The following FAM76A variants were observed in gnomAD, a reference collection of about 807,000 sequenced individuals.
FAM76A encodes protein FAM76A.
A neutral mutation model predicts 46.2 loss-of-function variants in FAM76A; 32 were observed. The observed-to-expected ratio is 0.69, with a 90% CI of 0.52 to 0.93. The LOEUF (loss-of-function observed/expected upper bound fraction) is 0.93. Among genes scored for constraint, FAM76A ranks in the 40% least tolerant of loss-of-function variants. The pLI, the probability that FAM76A is intolerant of heterozygous loss-of-function variation, is 0.00. For missense variants in FAM76A, 274 were observed against 361.5 expected, an observed-to-expected ratio of 0.76 and a Z score of 1.96; for synonymous variants, 137 against 127.0, an observed-to-expected ratio of 1.08 and a Z score of -0.53.
chr1:27,744,063 T>G (rs991337413), intron 4 of FAM76A, among the ~76,000 whole-genome samples: 3 of 152,182 alleles, frequency 2.0e-5, no homozygotes, highest in Non-Finnish European at 4.4e-5. Flanking sequence ...CGTCTGTGTT[T>G]GCTAACTTGA....
chr1:27,727,800 ATTTTTTTTTTT>A (rs10716346), intron 2 of FAM76A, among the ~76,000 whole-genome samples: 4 of 64,544 alleles, frequency 6.2e-5, no homozygotes, highest in South Asian at 6.4e-4. Context: ...GATTGCTTAA[ATTTTTTTTTTT>A]TTTTTTTTTT....
intron 4 of FAM76A, among the ~76,000 whole-genome samples, chr1:27,740,857 G>A (rs2088139228): frequency 6.6e-6 from 1 of 152,056 alleles, no homozygotes; most frequent in Admixed American, 6.6e-5. Flanking sequence ...GCCCGGGTGT[G>A]GTGGCTCACA....
At chr1:27,751,109 C>T (rs943200330) in intron 6 of FAM76A, among the ~76,000 whole-genome samples, 6 of 151,870 alleles carry the variant, frequency 4.0e-5, no homozygotes, top group African/African-American at 7.3e-5. Context: ...GCCATGATTG[C>T]GCCACTGCAG....
At chr1:27,760,123 C>T (rs1309408935) in intron 8 of FAM76A, 3 of 367,088 alleles carry the variant, frequency 8.2e-6, no homozygotes, top group Non-Finnish European at 1.6e-5. Flanking sequence ...ATCTTTTCCC[C>T]TCAAAAACAG....
intron 2 of FAM76A, among the ~76,000 whole-genome samples, chr1:27,731,110 C>T (rs985649479): frequency 2.0e-5 from 3 of 151,690 alleles, no homozygotes; most frequent in African/African-American, 7.3e-5. Context: ...TTTATTAATT[C>T]ACACATTTAG....
intron 5 of FAM76A, among the ~76,000 whole-genome samples, chr1:27,746,127 G>C (rs988879782): frequency 6.6e-6 from 1 of 152,202 alleles, no homozygotes; most frequent in African/African-American, 2.4e-5. Flanking sequence ...GTTAAAACAA[G>C]AACCTCACCT....
Position 27,734,115 on chromosome 1 carries a change from G to A in FAM76A, c.286G>A (p.Gly96Arg), listed in dbSNP as rs2088004522. 1 of 1,612,896 alleles carries A rather than the reference G, an allele frequency of 6.2e-7. No individual in the cohort carries two copies. Among genetic ancestry groups the A allele is most frequent in the Admixed American group, 1.7e-5 (1 of 59,696 alleles). Reference sequence around the variant, plus strand: ...CTGCACAAATTCAGAAAAGAAGTATGGACCACCCTATTCTTGTGAACAGTG... The same window carrying A: ...CTGCACAAATTCAGAAAAGAAGTATAGACCACCCTATTCTTGTGAACAGTG... ...QRCTNSEKKY[G>R]PPYSCEQCKQ... The change falls in exon 4 of 9, where the codon GGA becomes AGA. Residue 96 changes from glycine to arginine, a missense_variant. By Grantham distance (125) the Gly-to-Arg change is moderately radical. Coordinates refer to ENST00000373954, the MANE Select transcript of FAM76A (RefSeq NM_152660.3).
rs764995967 is a variant in FAM76A at position 27,734,117 on chromosome 1, A to G, written c.288A>G (p.Gly96=). 20 of 1,613,064 alleles carry G rather than the reference A, an allele frequency of 1.2e-5. No individual in the cohort carries two copies. The highest frequency in any genetic ancestry group is 3.4e-6 in the Non-Finnish European group (4 of 1,179,832). The change falls in exon 4 of 9, where the codon GGA becomes GGG. Residue 96 remains glycine (G), a synonymous_variant. Transcript: ENST00000373954. ...QRCTNSEKKY[G]PPYSCEQCKQ... ...GCACAAATTCAGAAAAGAAGTATGGACCACCCTATTCTTGTGAACAGTGCA... is the reference window on the plus strand; with the variant it reads ...GCACAAATTCAGAAAAGAAGTATGGGCCACCCTATTCTTGTGAACAGTGCA...
At chr1:27,748,580 C>G (rs1004965390) in intron 5 of FAM76A, among the ~76,000 whole-genome samples, 1 of 135,978 alleles carries the variant, frequency 7.4e-6, no homozygotes. Context: ...CCCCGGGGTT[C>G]AAGCCATTCT....
intron 4 of FAM76A, among the ~76,000 whole-genome samples, chr1:27,741,081 G>A (rs1046033248): frequency 2.7e-5 from 4 of 150,014 alleles, no homozygotes; most frequent in African/African-American, 9.8e-5. Context: ...GCAGTGAGCC[G>A]AGATCACGCC....
Position 27,762,133 on chromosome 1 carries a change from T to C in FAM76A, c.*1552T>C, listed in dbSNP as rs1422020841. On this transcript the variant is annotated 3_prime_UTR_variant, in exon 9 of 9. Transcript: ENST00000373954. ...CTCCCTGCTTTTCATGGATATGTAT[T>C]GAAAACAGGTGCTTCTCAGAAGCAC... 1 of 152,176 alleles carries C rather than the reference T, an allele frequency of 6.6e-6. No homozygotes were observed. The highest frequency in any genetic ancestry group is 2.4e-5 in the African/African-American group (1 of 41,450). 9.4% of individuals were successfully genotyped at this position (152,176 alleles called of 1,614,324 possible).
Position 27,748,961 on chromosome 1 carries a change from A to G in FAM76A, c.513-107A>G, listed in dbSNP as rs560420629. 4.6e-6 allele frequency: 3 copies of G among 658,432 alleles called. No homozygotes were observed. In the African/African-American group the frequency reaches 5.6e-5, roughly 12 times the overall value. 40.8% of individuals were successfully genotyped at this position (658,432 alleles called of 1,614,324 possible). On this transcript the variant is annotated intron_variant, in intron 5 of 8. Coordinates refer to ENST00000373954, the MANE Select transcript of FAM76A (RefSeq NM_152660.3). Reference sequence around the variant, plus strand: ...TTAATCAAGAATTATTAGCTCTTGCATAGAAGAGCTGCTGTCTTAACATTG... The same window carrying G: ...TTAATCAAGAATTATTAGCTCTTGCGTAGAAGAGCTGCTGTCTTAACATTG...
chr1:27,749,388 G>A (rs551390997), intron 6 of FAM76A, among the ~76,000 whole-genome samples: 5 of 152,002 alleles, frequency 3.3e-5, no homozygotes, highest in Non-Finnish European at 1.5e-5. Context: ...TTTTTTTTAA[G>A]AGACAGTCTC....
chr1:27,730,240 GC>G, intron 2 of FAM76A: 1 of 206,066 alleles, frequency 4.9e-6, no homozygotes, highest in Non-Finnish European at 1.0e-5. Context: ...AGGCTAGAGT[GC>G]AATGGCACGA....
intron 3 of FAM76A, 112 bp downstream of exon 3, chr1:27,732,769 G>A: frequency 4.1e-6 from 3 of 727,748 alleles, no homozygotes; most frequent in South Asian, 2.6e-5. Flanking sequence ...ATGGTTATGT[G>A]TAATATATCT....
At chr1:27,743,998 C>T (rs1207365339) in intron 4 of FAM76A, among the ~76,000 whole-genome samples, 1 of 151,968 alleles carries the variant, frequency 6.6e-6, no homozygotes, top group African/African-American at 2.4e-5. Context: ...TCTGTCTTCT[C>T]TTCTCCCTGC....
intron 3 of FAM76A, among the ~76,000 whole-genome samples, chr1:27,733,740 T>A (rs2087997175): frequency 6.6e-6 from 1 of 152,046 alleles, no homozygotes; most frequent in South Asian, 2.1e-4. Flanking sequence ...TCCCAGCTAC[T>A]CCGGAGGCTG....
At chr1:27,752,894 T>A (rs901266387) in intron 6 of FAM76A, among the ~76,000 whole-genome samples, 1 of 152,112 alleles carries the variant, frequency 6.6e-6, no homozygotes, top group Non-Finnish European at 1.5e-5. Flanking sequence ...GCACGGTGGC[T>A]CACGCCTGTA....
intron 8 of FAM76A, 66 bp downstream of exon 8, chr1:27,759,693 A>AT (rs956223348): frequency 6.0e-6 from 6 of 1,006,362 alleles, no homozygotes; most frequent in Non-Finnish European, 9.1e-6. Context: ...AGCTGATTGT[A>AT]TTTTAAGTGA....
Sources: allele counts gnomAD v4.1 joint callset (sites outside exome capture counted in the v4.1 genomes callset), GRCh38; gene constraint gnomAD v4.1.1; transcripts MANE v1.5; gene names NCBI Gene and HGNC (gene_info 2026-07-23, HGNC 2026-07-21).